Variants in SH3BP2 observed in about 807,000 individuals in gnomAD.
SH3BP2 encodes the protein SH3 domain-binding protein 2.
SH3BP2 carries 38 observed loss-of-function variants against 56.2 expected under a neutral mutation model. That is an observed-to-expected ratio of 0.68 (90% CI 0.52 to 0.89). SH3BP2 has a LOEUF of 0.89. Among genes scored for constraint, SH3BP2 ranks in the 40% least tolerant of loss-of-function variants. The probability of loss-of-function intolerance (pLI) is 0.00; values close to 1 mark genes in which losing one functional copy is unlikely to be tolerated. For synonymous variants in SH3BP2, 346 were observed against 316.7 expected, an observed-to-expected ratio of 1.09 and a Z score of -0.98; for missense variants, 748 against 762.6, an observed-to-expected ratio of 0.98 and a Z score of 0.23.
chr4:2,827,793 C>T (rs1039229159), intron 7 of SH3BP2, 119 bp downstream of exon 7: 24 of 799,210 alleles, frequency 3.0e-5, no homozygotes, highest in Admixed American at 1.0e-4. Flanking sequence ...GGGTGGCTTC[C>T]GCTTCCCTGC....
rs558046679 is a variant in SH3BP2, at chr4:2,813,083, G to A, written c.-4-7531G>A. On this transcript the variant is annotated intron_variant, in intron 1 of 12. Transcript: ENST00000503393. ...GCATAGCTGGTTACTGGGCCTTTACGGGAGAATTTTGGTTTTGATTATGTT... is the reference window on the plus strand; with the variant it reads ...GCATAGCTGGTTACTGGGCCTTTACAGGAGAATTTTGGTTTTGATTATGTT... 2.5e-4 allele frequency among the ~76,000 whole-genome samples: 38 copies of A among 152,330 alleles called. No individual in the cohort carries two copies. In the East Asian group the frequency reaches 6.5e-3, roughly 26 times the overall value.
At chr4:2,807,880 C>T (rs913733040) in intron 1 of SH3BP2, among the ~76,000 whole-genome samples, 9 of 152,132 alleles carry the variant, frequency 5.9e-5, no homozygotes, top group Non-Finnish European at 4.4e-5. Flanking sequence ...GCCCAGCCTT[C>T]AGGAGGCTGT....
rs1036741935 is a variant in SH3BP2 at position 2,840,656 on chromosome 4, G to C, written c.*6822G>C. 6.6e-6 allele frequency: 1 copy of C among 152,166 alleles called. No homozygotes were observed. Among genetic ancestry groups the C allele is most frequent in the Admixed American group, 6.5e-5 (1 of 15,268 alleles). The allele number at this position is 152,166 out of a possible 1,614,324, so 9.4% of individuals were successfully genotyped here. A position where few individuals can be genotyped will look rare whatever the true frequency, so the allele number is the denominator to read the frequency against. ...TCCACCTTATTTTTCTTCTTTGAGA[G>C]TGTCTTGACTATTCTGGCTCTTTGT... On this transcript the variant is annotated 3_prime_UTR_variant, in exon 13 of 13. Coordinates refer to ENST00000503393, the MANE Select transcript of SH3BP2 (RefSeq NM_001122681.2).
At chr4:2,824,856 G>A in intron 4 of SH3BP2, 126 bp downstream of exon 4, 1 of 783,378 alleles carries the variant, frequency 1.3e-6, no homozygotes, top group South Asian at 1.5e-5. Context: ...GCAAAGAGAA[G>A]GTGTGGCTGG....
At chr4:2,794,745 CAG>C (rs1723006716) in intron 1 of SH3BP2, among the ~76,000 whole-genome samples, 1 of 152,206 alleles carries the variant, frequency 6.6e-6, no homozygotes, top group Admixed American at 6.5e-5. Context: ...AAGAGGCAGA[CAG>C]AGGGAGGACA....
intron 12 of SH3BP2, chr4:2,833,269 T>C (rs113162697): frequency 4.8e-6 from 3 of 627,620 alleles, no homozygotes; most frequent in South Asian, 1.8e-5. Flanking sequence ...CTAGTGGGGA[T>C]GGGCGGTCAG....
At chr4:2,817,965 T>G (rs1724075837) in intron 1 of SH3BP2, 1 of 150,806 alleles carries the variant, frequency 6.6e-6, no homozygotes. Flanking sequence ...GTTGGGGGAG[T>G]GGAGCGGGAG....
intron 5 of SH3BP2, among the ~76,000 whole-genome samples, chr4:2,826,108 A>G (rs1724600684): frequency 6.6e-6 from 1 of 152,274 alleles, no homozygotes; most frequent in South Asian, 2.1e-4. Flanking sequence ...CTCTTGAGGC[A>G]GGAGCAGGTG....
intron 1 of SH3BP2, chr4:2,818,465 G>T: frequency 2.3e-6 from 2 of 860,870 alleles, no homozygotes; most frequent in Non-Finnish European, 3.0e-6. Context: ...CGCACCCCGA[G>T]CCCCTGGACC....
intron 1 of SH3BP2, among the ~76,000 whole-genome samples, chr4:2,800,236 C>A (rs770552370): frequency 1.8e-4 from 28 of 152,100 alleles, no homozygotes; most frequent in Admixed American, 1.6e-3. Context: ...TGACTGTCCC[C>A]GGCTCAGTCT....
chr4:2,803,851 G>A (rs931758593), intron 1 of SH3BP2, among the ~76,000 whole-genome samples: 2 of 152,192 alleles, frequency 1.3e-5, no homozygotes, highest in African/African-American at 2.4e-5. Context: ...TGGAACAGAT[G>A]TCACAAGGAT....
chr4:2,795,505 C>T (rs539066998), intron 1 of SH3BP2, among the ~76,000 whole-genome samples: 337 of 152,332 alleles, frequency 2.2e-3, no homozygotes, highest in African/African-American at 7.5e-3. Context: ...CTTTAATAAC[C>T]GGGTGGCTTG....
At chr4:2,797,738 C>T (rs114353093) in intron 1 of SH3BP2, among the ~76,000 whole-genome samples, 4,378 of 152,152 alleles carry the variant, frequency 0.029, 76 homozygotes, top group African/African-American at 0.039. Context: ...TCAGGAAGGT[C>T]AGGGTCGCGT....
rs1284791286 is a variant in SH3BP2, at chr4:2,839,033, G to A, written c.*5199G>A. Reference sequence around the variant, plus strand: ...CCAGTCTGGTGGGGTGTATAGTTATGGCCTTAATTTGCATTTAGCTAATTA... The same window carrying A: ...CCAGTCTGGTGGGGTGTATAGTTATAGCCTTAATTTGCATTTAGCTAATTA... On this transcript the variant is annotated 3_prime_UTR_variant, in exon 13 of 13. Transcript: ENST00000503393. 2 of 151,948 alleles carry A rather than the reference G, an allele frequency of 1.3e-5. No individual in the cohort carries two copies. Among genetic ancestry groups the A allele is most frequent in the Non-Finnish European group, 2.9e-5 (2 of 68,006 alleles). 9.4% of individuals were successfully genotyped at this position (151,948 alleles called of 1,614,324 possible). A position where few individuals can be genotyped will look rare whatever the true frequency, so the allele number is the denominator to read the frequency against.
rs1724253647 is a variant in SH3BP2 at position 2,820,684 on chromosome 4, A to T, written c.67A>T (p.Met23Leu). The change falls in exon 2 of 13, where the codon ATG (methionine) becomes TTG (leucine). Residue 23 changes from methionine (M) to leucine (L), a missense_variant. Physicochemically the swap from Met to Leu is conservative, Grantham distance 15 (BLOSUM62 2). Coordinates refer to ENST00000503393, the MANE Select transcript of SH3BP2 (RefSeq NM_001122681.2). ...KAIGAQNLLT[M>L]PGGVAKAGYL... is the part of the protein sequence containing the mutation. Reference sequence around the variant, plus strand: ...CATTGGTGCCCAGAACCTGCTAACCATGCCTGGGGGCGTGGCCAAGGCTGG... The same window carrying T: ...CATTGGTGCCCAGAACCTGCTAACCTTGCCTGGGGGCGTGGCCAAGGCTGG... 1 of 1,614,112 alleles carries T rather than the reference A, an allele frequency of 6.2e-7. No homozygotes were observed. The highest frequency in any genetic ancestry group is 1.7e-5 in the Admixed American group (1 of 60,020).
In SH3BP2 at chr4:2,833,939, G is replaced by C; in HGVS notation, c.*105G>C. On this transcript the variant is annotated 3_prime_UTR_variant, in exon 13 of 13. Transcript: ENST00000503393. ...TGGGAGGGTGAGCAGGAGCAAGGCTGTGCTTGCCTAGGGCCTCTGTGATGG... is the reference window on the plus strand; with the variant it reads ...TGGGAGGGTGAGCAGGAGCAAGGCTCTGCTTGCCTAGGGCCTCTGTGATGG... The C allele has an allele frequency of 7.4e-7, 1 of 1,349,732 alleles. No individual in the cohort carries two copies. Among genetic ancestry groups the C allele is most frequent in the South Asian group, 1.4e-5 (1 of 71,646 alleles). The allele number at this position is 1,349,732 out of a possible 1,614,324, so 83.6% of individuals were successfully genotyped here.
At chr4:2,798,865 G>A (rs182658579) in intron 1 of SH3BP2, 4 of 607,692 alleles carry the variant, frequency 6.6e-6, no homozygotes, top group Non-Finnish European at 8.3e-6. Context: ...GTGTGACCTG[G>A]GCATCCTCCG....
chr4:2,809,972 C>G (rs1409424547), intron 1 of SH3BP2: 3 of 215,594 alleles, frequency 1.4e-5, no homozygotes, highest in Non-Finnish European at 2.4e-5. Flanking sequence ...CCGGCCATGC[C>G]CCGCTGCACA....
intron 1 of SH3BP2, among the ~76,000 whole-genome samples, chr4:2,808,207 G>A (rs541915294): frequency 1.3e-5 from 2 of 152,288 alleles, no homozygotes; most frequent in East Asian, 3.9e-4. Context: ...TCCCCTCCCA[G>A]CTTCTGCTGG....
Sources: gnomAD v4.1 joint callset for allele counts (sites outside exome capture counted in the v4.1 genomes callset) on GRCh38, gnomAD v4.1.1 for gene constraint, MANE v1.5 for transcripts, NCBI Gene and HGNC (gene_info 2026-07-23, HGNC 2026-07-21) for gene names.